Variants in FYN observed in about 807,000 individuals in gnomAD.
FYN encodes the protein FYN proto-oncogene, Src family tyrosine kinase.
Under a neutral mutation model 70.2 loss-of-function variants are expected in FYN, and 10 were observed. The ratio of observed to expected loss-of-function variants is 0.14; its 90% CI spans 0.09 to 0.24. The LOEUF (loss-of-function observed/expected upper bound fraction) is 0.24. Among genes scored for constraint, FYN ranks in the 10% least tolerant of loss-of-function variants. The probability of loss-of-function intolerance (pLI) is 1.00; values close to 1 mark genes in which losing one functional copy is unlikely to be tolerated. For missense variants in FYN, 319 were observed against 673.1 expected, an observed-to-expected ratio of 0.47 and a Z score of 5.82; for synonymous variants, 236 against 248.6, an observed-to-expected ratio of 0.95 and a Z score of 0.48.
At position 111,661,856 on chromosome 6, in the gene FYN, C is replaced by A; in HGVS notation, c.1497G>T (p.Met499Ile). Residue 499 changes from methionine (M) to isoleucine (I), a missense_variant, in exon 14 of 14, where the codon ATG becomes ATT. Transcript: ENST00000354650. The surrounding 1 kb of genome is among the most constrained non-coding windows in gnomAD (Gnocchi z 4.0). ...QDCPISLHEL[M>I]IHCWKKDPEE... ...CAGGGTCCTTTTTCCAGCAGTGGAT[C>A]ATGAGCTCATGCAGAGAGATGGGGC... 6.2e-7 allele frequency: 1 copy of A among 1,614,202 alleles called. No individual in the cohort carries two copies.
At chr6:111,739,524 G>A (rs567248428) in intron 3 of FYN, among the ~76,000 whole-genome samples, 3 of 152,208 alleles carry the variant, frequency 2.0e-5, no homozygotes, top group Admixed American at 6.5e-5. Flanking sequence ...GAGAGGCCCC[G>A]CCGCTGGGCA....
At chr6:111,726,980 T>C (rs1801218526) in intron 3 of FYN, among the ~76,000 whole-genome samples, 1 of 152,230 alleles carries the variant, frequency 6.6e-6, no homozygotes, top group Admixed American at 6.5e-5. Flanking sequence ...GTAAGCTTCC[T>C]GAGGCCTTCC....
chr6:111,747,963 T>C (rs946456213), intron 3 of FYN, among the ~76,000 whole-genome samples: 4 of 152,234 alleles, frequency 2.6e-5, no homozygotes, highest in Non-Finnish European at 4.4e-5. Context: ...TCATTACTAT[T>C]CCATGTGTTT....
At chr6:111,709,971 T>G (rs1800288404) in intron 5 of FYN, among the ~76,000 whole-genome samples, 2 of 151,368 alleles carry the variant, frequency 1.3e-5, no homozygotes, top group Non-Finnish European at 2.9e-5. Context: ...GTTTATTTTT[T>G]TCTTTAAACA....
intron 1 of FYN, among the ~76,000 whole-genome samples, chr6:111,861,438 A>C (rs186431882): frequency 7.0e-4 from 107 of 152,304 alleles, no homozygotes; most frequent in African/African-American, 2.5e-3. Context: ...GGTAGCGGGG[A>C]GGTGGCAGAA....
chr6:111,789,424 A>G (rs1421029048), intron 2 of FYN, among the ~76,000 whole-genome samples: 1 of 152,164 alleles, frequency 6.6e-6, no homozygotes. Flanking sequence ...CCCCCAGGCA[A>G]TAGTAGTAGT....
intron 3 of FYN, among the ~76,000 whole-genome samples, chr6:111,731,263 T>C (rs1159423787): frequency 6.6e-6 from 1 of 152,250 alleles, no homozygotes; most frequent in Non-Finnish European, 1.5e-5. Flanking sequence ...TTTAATTCAC[T>C]AGTTCCAGTC....
At chr6:111,668,153 G>A (rs527243448) in intron 13 of FYN, among the ~76,000 whole-genome samples, 3 of 152,342 alleles carry the variant, frequency 2.0e-5, no homozygotes, top group East Asian at 3.9e-4. Context: ...ATGAGCCTGC[G>A]CCATCGCATG....
chr6:111,833,380 T>C (rs1773079429), intron 2 of FYN, among the ~76,000 whole-genome samples: 1 of 152,252 alleles, frequency 6.6e-6, no homozygotes, highest in African/African-American at 2.4e-5. Flanking sequence ...TGCCTCTGCG[T>C]AGATATCTGT....
At chr6:111,800,112 G>C (rs1771937647) in intron 2 of FYN, among the ~76,000 whole-genome samples, 1 of 152,144 alleles carries the variant, frequency 6.6e-6, no homozygotes, top group Non-Finnish European at 1.5e-5. Flanking sequence ...TTGTGAAGCA[G>C]GATCAAAATG....
intron 3 of FYN, among the ~76,000 whole-genome samples, chr6:111,769,838 C>T (rs1803378034): frequency 6.6e-6 from 1 of 152,152 alleles, no homozygotes; most frequent in Non-Finnish European, 1.5e-5. Flanking sequence ...ATGCTTTACA[C>T]TATCATTTAC....
intron 3 of FYN, among the ~76,000 whole-genome samples, chr6:111,755,848 T>A (rs1802707918): frequency 6.6e-6 from 1 of 152,120 alleles, no homozygotes; most frequent in South Asian, 2.1e-4. Flanking sequence ...ATACTCCATA[T>A]TAGAATATAT....
chr6:111,739,217 C>G (rs1288071753), intron 3 of FYN, among the ~76,000 whole-genome samples: 2 of 152,222 alleles, frequency 1.3e-5, no homozygotes, highest in East Asian at 3.8e-4. Context: ...CCCTTCGGCA[C>G]CAGCAGTGCA....
intron 12 of FYN, among the ~76,000 whole-genome samples, chr6:111,692,338 G>C (rs1799370978): frequency 6.6e-6 from 1 of 152,166 alleles, no homozygotes; most frequent in Non-Finnish European, 1.5e-5. Flanking sequence ...TGGTGCAGCT[G>C]GGCAGCCGGC....
At chr6:111,756,889 C>T (rs952778569) in intron 3 of FYN, among the ~76,000 whole-genome samples, 3 of 152,182 alleles carry the variant, frequency 2.0e-5, no homozygotes, top group Non-Finnish European at 4.4e-5. Flanking sequence ...GAAATGCTAA[C>T]AGCCTTCCCT....
chr6:111,795,734 T>C (rs1458564711), intron 2 of FYN, among the ~76,000 whole-genome samples: 3 of 152,216 alleles, frequency 2.0e-5, no homozygotes, highest in African/African-American at 7.2e-5. Flanking sequence ...TTGCATATAT[T>C]ATCTCATTTT....
At chr6:111,669,592 G>A (rs1272524705) in intron 13 of FYN, among the ~76,000 whole-genome samples, 2 of 152,100 alleles carry the variant, frequency 1.3e-5, no homozygotes, top group Non-Finnish European at 2.9e-5. Context: ...TGATCACAGG[G>A]TCAATTTTCC....
At position 111,858,104 on chromosome 6, in the gene FYN, G is replaced by A. The variant is rs925464246; in HGVS notation, c.-122-11475C>T. On this transcript the variant is annotated intron_variant, in intron 1 of 13. Transcript: ENST00000354650. ...TTACATCCACCCAAGGGCATAAGCA[G>A]GACTGTCGGGATTTCCCCACGCCAT... is the stretch of plus-strand genomic sequence containing the variant. 5.9e-5 allele frequency among the ~76,000 whole-genome samples: 9 copies of A among 152,156 alleles called. No individual in the cohort carries two copies. The South Asian group carries it at 1.9e-3, about 32-fold the overall frequency.
At chr6:111,781,492 C>T (rs1221013292) in intron 2 of FYN, among the ~76,000 whole-genome samples, 4 of 152,202 alleles carry the variant, frequency 2.6e-5, no homozygotes, top group Non-Finnish European at 5.9e-5. Context: ...CTTTCCTCAA[C>T]GGATGCACCT....
Sources: gnomAD v4.1 joint callset for allele counts (sites outside exome capture counted in the v4.1 genomes callset) on GRCh38, gnomAD v4.1.1 for gene constraint, Gnocchi (gnomAD v3.1) non-coding constraint, MANE v1.5 for transcripts, NCBI Gene and HGNC (gene_info 2026-07-23, HGNC 2026-07-21) for gene names.